Variants in VEZT observed in about 807,000 individuals in gnomAD.
VEZT encodes vezatin, adherens junctions transmembrane protein.
VEZT carries 39 observed loss-of-function variants against 79.9 expected under a neutral mutation model. The ratio of observed to expected loss-of-function variants is 0.49; its 90% CI spans 0.38 to 0.64. VEZT has a LOEUF of 0.64. Ranked by LOEUF, VEZT falls within the 30% of genes least tolerant of loss-of-function variation. The probability of loss-of-function intolerance (pLI) is 0.00; values close to 1 mark genes in which losing one functional copy is unlikely to be tolerated. For missense variants in VEZT, 837 were observed against 893.1 expected, an observed-to-expected ratio of 0.94 and a Z score of 0.80; for synonymous variants, 325 against 327.6, an observed-to-expected ratio of 0.99 and a Z score of 0.09.
chr12:95,254,913 A>C (rs749923299), intron 2 of VEZT, among the ~76,000 whole-genome samples: 20 of 152,050 alleles, frequency 1.3e-4, no homozygotes, highest in Non-Finnish European at 1.8e-4. Flanking sequence ...ATGAATATTC[A>C]TTCTGTCTCT....
chr12:95,276,259 C>CTTTTTTT (rs35034660), intron 7 of VEZT, among the ~76,000 whole-genome samples: 88 of 75,144 alleles, frequency 1.2e-3, no homozygotes, highest in Non-Finnish European at 1.4e-3. Context: ...TAATTTTTTT[C>CTTTTTTT]TTTTTTTTTT....
At chr12:95,278,545 G>A (rs938812230) in intron 7 of VEZT, among the ~76,000 whole-genome samples, 5 of 152,104 alleles carry the variant, frequency 3.3e-5, no homozygotes, top group East Asian at 1.9e-4. Context: ...CCACTGTATC[G>A]TTATTCAGAT....
chr12:95,279,057 C>T (rs1199709427), intron 7 of VEZT, among the ~76,000 whole-genome samples: 3 of 152,076 alleles, frequency 2.0e-5, no homozygotes, highest in South Asian at 4.2e-4. Context: ...GCAACAAGAG[C>T]GAAACTCCGT....
intron 8 of VEZT, among the ~76,000 whole-genome samples, chr12:95,283,916 T>C (rs1023333223): frequency 1.3e-5 from 2 of 152,172 alleles, no homozygotes; most frequent in African/African-American, 4.8e-5. Context: ...TGGATTGTCC[T>C]CAAAGGAAAA....
intron 2 of VEZT, among the ~76,000 whole-genome samples, chr12:95,255,533 G>C (rs143673357): frequency 0.046 from 7,076 of 152,290 alleles, 237 homozygotes; most frequent in Middle Eastern, 0.12. Context: ...CCGGGTGCAA[G>C]CGATTCTCCT....
At chr12:95,232,496 G>A (rs1038819622) in intron 1 of VEZT, among the ~76,000 whole-genome samples, 16 of 152,168 alleles carry the variant, frequency 1.1e-4, no homozygotes, top group Non-Finnish European at 1.8e-4. Flanking sequence ...TCATATAGGT[G>A]GGAAGTCTGT....
intron 11 of VEZT, 113 bp downstream of exon 11, chr12:95,296,371 A>T (rs2074135677): frequency 4.4e-6 from 4 of 905,398 alleles, no homozygotes; most frequent in Non-Finnish European, 4.9e-6. Context: ...AGGGTCCACC[A>T]GTATGCATAG....
rs558690754 is a variant in VEZT at position 95,292,333 on chromosome 12, A to T, written c.1523-1939A>T. ...TTAATGTACCTGTTTATTGCTATTA[A>T]TAATAGTCTTATGGATTTATTTGGT... On this transcript the variant is annotated intron_variant, in intron 9 of 11. Coordinates refer to ENST00000436874, the MANE Select transcript of VEZT (RefSeq NM_017599.4). Among the ~76,000 whole-genome samples, 9 of 152,274 alleles carry T rather than the reference A, an allele frequency of 5.9e-5. 1 individual carries two copies. The East Asian group carries it at 1.7e-3, about 29-fold the overall frequency.
chr12:95,245,064 A>G (rs900859196), intron 1 of VEZT, among the ~76,000 whole-genome samples: 10 of 151,998 alleles, frequency 6.6e-5, no homozygotes, highest in African/African-American at 1.7e-4. Context: ...GAAACCCCAT[A>G]TCTACTAAAA....
chr12:95,257,034 T>G, intron 2 of VEZT, 116 bp from the exon 3 acceptor site: 2 of 846,938 alleles, frequency 2.4e-6, no homozygotes, highest in Non-Finnish European at 3.5e-6. Context: ...CCTGGACAAT[T>G]TTTTTCTTCC....
At chr12:95,289,094 AAATAAAT>A (rs1566297595) in intron 9 of VEZT, among the ~76,000 whole-genome samples, 21 of 131,092 alleles carry the variant, frequency 1.6e-4, no homozygotes, top group South Asian at 4.6e-4. Context: ...AAAAAAAAAT[AAATAAAT>A]AAATAAATAA....
At chr12:95,260,917 A>T (rs1435173236) in intron 3 of VEZT, among the ~76,000 whole-genome samples, 1 of 151,870 alleles carries the variant, frequency 6.6e-6, no homozygotes, top group African/African-American at 2.4e-5. Flanking sequence ...TGTTAGAATC[A>T]GAATTGTGGG....
At position 95,301,894 on chromosome 12, in the gene VEZT, G is replaced by A. The variant is rs2075252933; in HGVS notation, c.*1221G>A. 6.6e-6 allele frequency: 1 copy of A among 151,944 alleles called. No individual in the cohort carries two copies. Among genetic ancestry groups the A allele is most frequent in the Non-Finnish European group, 1.5e-5 (1 of 67,942 alleles). The allele number at this position is 151,944 out of a possible 1,614,324, so 9.4% of individuals were successfully genotyped here. ...CCAAAGGGGATTTTTTTTCTTTCAG[G>A]AATCTAAGGAAATTTACTTTTTAAC... On this transcript the variant is annotated 3_prime_UTR_variant, in exon 12 of 12. Coordinates refer to ENST00000436874, the MANE Select transcript of VEZT (RefSeq NM_017599.4).
chr12:95,228,041 T>G (rs1187742410), intron 1 of VEZT, among the ~76,000 whole-genome samples: 1 of 152,214 alleles, frequency 6.6e-6, no homozygotes, highest in African/African-American at 2.4e-5. Flanking sequence ...TCTTCCTCTT[T>G]TCTTTTCTTC....
intron 8 of VEZT, among the ~76,000 whole-genome samples, chr12:95,287,398 C>T (rs545784014): frequency 1.1e-4 from 17 of 152,034 alleles, no homozygotes; most frequent in Middle Eastern, 3.4e-3. Flanking sequence ...TGGCTCACTG[C>T]AACCTCTACC....
intron 3 of VEZT, chr12:95,262,536 A>G (rs2064737901): frequency 6.3e-6 from 1 of 159,184 alleles, no homozygotes; most frequent in African/African-American, 2.4e-5. Context: ...TATTGGCTAT[A>G]TTGTTACAGC....
At position 95,300,545 on chromosome 12, in the gene VEZT, ACTG is replaced by A; in HGVS notation, c.2216_2218del (p.Ala739del). 1 of 1,613,932 alleles carries A rather than the reference ACTG, an allele frequency of 6.2e-7. No homozygotes were observed. The stretch of plus-strand genomic sequence containing the variant: ...ACAGCTGTCACCAGATTTTACCTTC[ACTG>A]CTGGCCTTGCTGCAGAAGTGGCTGC... On this transcript the variant is annotated inframe_deletion, in exon 12 of 12. Coordinates refer to ENST00000436874, the MANE Select transcript of VEZT (RefSeq NM_017599.4).
chr12:95,290,845 T>C (rs1030705425), intron 9 of VEZT: 1 of 152,138 alleles, frequency 6.6e-6, no homozygotes, highest in African/African-American at 2.4e-5. Flanking sequence ...TACATATATA[T>C]ACACATATAT....
At chr12:95,251,844 C>A (rs1175637353) in intron 1 of VEZT, 96 bp from the exon 2 acceptor site, 6 of 1,108,270 alleles carry the variant, frequency 5.4e-6, no homozygotes, top group Middle Eastern at 2.1e-4. Context: ...TTTGGACATA[C>A]TGGTCACAAT....
Sources: gnomAD v4.1 joint callset for allele counts (sites outside exome capture counted in the v4.1 genomes callset) on GRCh38, gnomAD v4.1.1 for gene constraint, MANE v1.5 for transcripts, NCBI Gene and HGNC (gene_info 2026-07-23, HGNC 2026-07-21) for gene names.